The following NFAM1 variants were observed in gnomAD, a reference collection of about 807,000 sequenced individuals.
The protein encoded by NFAM1 is NFAT activation molecule 1.
NFAM1 carries 17 observed loss-of-function variants against 29.0 expected under a neutral mutation model. The observed-to-expected ratio is 0.59, with a 90% CI of 0.40 to 0.88. The LOEUF is 0.88. Among genes scored for constraint, NFAM1 ranks in the 40% least tolerant of loss-of-function variants. The pLI is 0.00. For synonymous variants in NFAM1, 175 were observed against 147.2 expected, an observed-to-expected ratio of 1.19 and a Z score of -1.36; for missense variants, 324 against 344.6, an observed-to-expected ratio of 0.94 and a Z score of 0.47.
In NFAM1 at chr22:42,424,225, C is replaced by T. The variant is rs548948228; in HGVS notation, c.121+8012G>A. 1.9e-3 allele frequency among the ~76,000 whole-genome samples: 289 copies of T among 152,282 alleles called. 9 individuals carry two copies. The highest frequency in any genetic ancestry group is 0.018 in the Admixed American group (279 of 15,310). ...CGTCAGGAGATTGAGACCATCCTGGCTAACACGGTGAAACCCCACCTTTAC... is the reference window on the plus strand; with the variant it reads ...CGTCAGGAGATTGAGACCATCCTGGTTAACACGGTGAAACCCCACCTTTAC... On this transcript the variant is annotated intron_variant, in intron 1 of 5. Coordinates refer to ENST00000329021, the MANE Select transcript of NFAM1 (RefSeq NM_145912.8).
rs532635474 is a variant in NFAM1 at position 42,407,993 on chromosome 22, C to T, written c.564+1442G>A. Among the ~76,000 whole-genome samples the T allele has an allele frequency of 1.0e-3, 151 of 150,458 alleles. 4 individuals carry two copies. In the South Asian group the frequency reaches 0.018, roughly 18 times the overall value. On this transcript the variant is annotated intron_variant, in intron 3 of 5. Coordinates refer to ENST00000329021, the MANE Select transcript of NFAM1 (RefSeq NM_145912.8). ...TGTAATCTCACTACAACCTCCGCCTCGCAGGTTCAAGCAATTCTCCTGCCT... is the reference window on the plus strand; with the variant it reads ...TGTAATCTCACTACAACCTCCGCCTTGCAGGTTCAAGCAATTCTCCTGCCT...
upstream of NFAM1, chr22:42,432,511 G>A (rs1930845768): frequency 1.1e-5 from 12 of 1,050,088 alleles, no homozygotes; most frequent in East Asian, 2.8e-5. Context: ...CAGGGTGGCC[G>A]CCAGATGAGG....
chr22:42,410,520 G>A (rs2147107794), intron 2 of NFAM1: 1 of 346,614 alleles, frequency 2.9e-6, no homozygotes, highest in Non-Finnish European at 5.9e-6. Context: ...GTAGCCAGGT[G>A]TGGTGGTGGA....
At chr22:42,386,462 T>C (rs1929150382) in intron 5 of NFAM1, among the ~76,000 whole-genome samples, 1 of 149,142 alleles carries the variant, frequency 6.7e-6, no homozygotes, top group South Asian at 2.1e-4. Context: ...AAAGTATGAT[T>C]GGGTAATATG....
chr22:42,419,989 G>GTTTT lies in NFAM1; in HGVS notation c.122-8254_122-8253insAAAA, dbSNP rs1491236869. ...CCTTTGAGTCTGTAATCCCACTCTT[G>GTTTT]GTTTTTTTTTTTTTTTTTTTTTTTT... is the stretch of plus-strand genomic sequence containing the variant. On this transcript the variant is annotated intron_variant, in intron 1 of 5. Coordinates refer to ENST00000329021, the MANE Select transcript of NFAM1 (RefSeq NM_145912.8). The surrounding 1 kb of genome is among the most constrained non-coding windows in gnomAD (Gnocchi z 4.5). 7.3e-3 allele frequency among the ~76,000 whole-genome samples: 415 copies of GTTTT among 56,518 alleles called. 1 individual carries two copies. Among genetic ancestry groups the GTTTT allele is most frequent in the Middle Eastern group, 0.016 (2 of 126 alleles). The allele number at this position is 56,518 out of a possible 152,430, so 37.1% of individuals were successfully genotyped here.
intron 3 of NFAM1, among the ~76,000 whole-genome samples, chr22:42,403,818 C>T (rs911411260): frequency 4.6e-5 from 7 of 152,090 alleles, no homozygotes; most frequent in African/African-American, 1.7e-4. Context: ...CTACAGATGA[C>T]GAGGGCAGAG....
At chr22:42,407,988 C>T (rs1037054858) in intron 3 of NFAM1, among the ~76,000 whole-genome samples, 6 of 150,864 alleles carry the variant, frequency 4.0e-5, no homozygotes, top group Non-Finnish European at 5.9e-5. Flanking sequence ...CTACAACCTC[C>T]GCCTCGCAGG....
At chr22:42,407,652 G>A (rs1383683761) in intron 3 of NFAM1, among the ~76,000 whole-genome samples, 1 of 152,130 alleles carries the variant, frequency 6.6e-6, no homozygotes, top group Non-Finnish European at 1.5e-5. Flanking sequence ...GCAGTGGTGT[G>A]ATCACAGCTC....
Position 42,412,656 on chromosome 22 carries a change from C to T in NFAM1, c.122-920G>A, listed in dbSNP as rs557311445. On this transcript the variant is annotated intron_variant, in intron 1 of 5. Transcript: ENST00000329021. ...ATAAAGAAACCCAAGCGTTTCCTGGCGGTAGACAGAGAGGGAGGCAGGTCT... is the reference window on the plus strand; with the variant it reads ...ATAAAGAAACCCAAGCGTTTCCTGGTGGTAGACAGAGAGGGAGGCAGGTCT... 3.7e-4 allele frequency among the ~76,000 whole-genome samples: 57 copies of T among 152,322 alleles called. No homozygotes were observed. The South Asian group carries it at 3.9e-3, about 11-fold the overall frequency.
At position 42,388,141 on chromosome 22, in the gene NFAM1, A is replaced by G; in HGVS notation, c.664-1063T>C. On this transcript the variant is annotated intron_variant, in intron 4 of 5. Coordinates refer to ENST00000329021, the MANE Select transcript of NFAM1 (RefSeq NM_145912.8). The surrounding 1 kb of genome is among the most constrained non-coding windows in gnomAD (Gnocchi z 4.1). ...GCCCAGCTAAGAAAGGCCTAGCCAG[A>G]GACCTCAGGATGGTAGAAAGAACCG... 6.6e-6 allele frequency among the ~76,000 whole-genome samples: 1 copy of G among 152,264 alleles called. No homozygotes were observed. The highest frequency in any genetic ancestry group is 1.9e-4 in the East Asian group (1 of 5,200).
At chr22:42,426,287 G>A (rs576706213) in intron 1 of NFAM1, among the ~76,000 whole-genome samples, 31 of 152,266 alleles carry the variant, frequency 2.0e-4, no homozygotes, top group Non-Finnish European at 3.7e-4. Context: ...TCTGGCCCCT[G>A]GCCCACCAGC....
intron 1 of NFAM1, among the ~76,000 whole-genome samples, chr22:42,415,355 G>A (rs566188234): frequency 1.0e-3 from 147 of 142,318 alleles, no homozygotes; most frequent in African/African-American, 3.4e-3. Flanking sequence ...GCTGGAGTGC[G>A]ATGGCGCGAT....
intron 3 of NFAM1, among the ~76,000 whole-genome samples, chr22:42,404,188 C>T (rs1474806908): frequency 1.3e-5 from 2 of 152,142 alleles, no homozygotes; most frequent in African/African-American, 4.8e-5. Context: ...GCAGGCATTG[C>T]CCCGGGAGGC....
upstream of NFAM1, among the ~76,000 whole-genome samples, chr22:42,435,813 T>G (rs1930924752): frequency 7.3e-6 from 1 of 136,436 alleles, no homozygotes; most frequent in Non-Finnish European, 1.5e-5. Flanking sequence ...CCTTTTCTTC[T>G]TCTTTTTTTT....
In NFAM1 at chr22:42,384,852, G is replaced by C. The variant is rs1448665776; in HGVS notation, c.*309C>G. 1 of 473,106 alleles carries C rather than the reference G, an allele frequency of 2.1e-6. No homozygotes were observed. Among genetic ancestry groups the C allele is most frequent in the Non-Finnish European group, 3.9e-6 (1 of 257,014 alleles). The allele number at this position is 473,106 out of a possible 1,614,324, so 29.3% of individuals were successfully genotyped here. ...GCATGAGGCAGTGAGCAGGGCTCTGGGCAAGGGTGGCATCCAGGAAAGCCC... is the reference window on the plus strand; with the variant it reads ...GCATGAGGCAGTGAGCAGGGCTCTGCGCAAGGGTGGCATCCAGGAAAGCCC... On this transcript the variant is annotated 3_prime_UTR_variant, in exon 6 of 6. Transcript: ENST00000329021.
intron 3 of NFAM1, among the ~76,000 whole-genome samples, chr22:42,403,824 C>T (rs946098298): frequency 6.6e-6 from 1 of 152,150 alleles, no homozygotes; most frequent in Non-Finnish European, 1.5e-5. Context: ...ATGACGAGGG[C>T]AGAGGCAAAA....
chr22:42,386,744 C>T (rs1273083031), intron 5 of NFAM1, among the ~76,000 whole-genome samples: 2 of 152,196 alleles, frequency 1.3e-5, no homozygotes, highest in Non-Finnish European at 2.9e-5. Context: ...GCTCAATCTG[C>T]ACACAAGGAG....
chr22:42,425,887 G>A (rs560474810), intron 1 of NFAM1, among the ~76,000 whole-genome samples: 9 of 152,272 alleles, frequency 5.9e-5, no homozygotes, highest in South Asian at 2.1e-4. Flanking sequence ...CTGTGTGCTC[G>A]GGATCACAGA....
chr22:42,386,426 C>CAA (rs1569224429), intron 5 of NFAM1, among the ~76,000 whole-genome samples: 1 of 106,416 alleles, frequency 9.4e-6, no homozygotes, highest in East Asian at 2.5e-4. Context: ...CACACACACA[C>CAA]AAAACAAAAA....
Sources: allele counts gnomAD v4.1 joint callset (sites outside exome capture counted in the v4.1 genomes callset), GRCh38; gene constraint gnomAD v4.1.1; non-coding constraint Gnocchi (gnomAD v3.1); transcripts MANE v1.5; gene names NCBI Gene and HGNC (gene_info 2026-07-23, HGNC 2026-07-21).